IPO5: variants seen among roughly 807,000 people sequenced by gnomAD.
The protein encoded by IPO5 is importin-5.
Under a neutral mutation model 143.3 loss-of-function variants are expected in IPO5, and 18 were observed. The observed-to-expected ratio is 0.13, with a 90% CI of 0.09 to 0.19. IPO5 has a LOEUF of 0.19. Ranked by LOEUF, IPO5 falls within the 10% of genes least tolerant of loss-of-function variation. IPO5 has a pLI of 1.00. For synonymous variants in IPO5, 477 were observed against 465.7 expected (o/e 1.02, Z -0.31); for missense variants, 1,013 against 1,336.9 (o/e 0.76, Z 3.78).
intron 21 of IPO5, among the ~76,000 whole-genome samples, chr13:98,013,493 T>C (rs1419382272): frequency 3.9e-5 from 6 of 152,158 alleles, no homozygotes; most frequent in Non-Finnish European, 7.4e-5. Flanking sequence ...TATAGTGGTA[T>C]CCTTTACAGA....
Position 98,008,127 on chromosome 13 carries a change from A to G in IPO5, c.1785A>G (p.Glu595=), listed in dbSNP as rs1479738267. 2 of 1,605,968 alleles carry G rather than the reference A, an allele frequency of 1.2e-6. No individual in the cohort carries two copies. Among genetic ancestry groups the G allele is most frequent in the African/African-American group, 1.3e-5 (1 of 74,768 alleles). Residue 595 remains glutamate (E), a synonymous_variant, in exon 18 of 29, where the codon GAA becomes GAG. Coordinates refer to ENST00000651721, the MANE Select transcript of IPO5 (RefSeq NM_002271.6). ...CCCAGACAGACTTCAATGATATGGA[A>G]GATGATGATCCTCAGGTAAGTGGTC... The part of the protein sequence containing the change: ...LKTQTDFNDM[E]DDDPQISYMI...
chr13:97,976,613 G>GCCCGCC (rs1317099050), intron 3 of IPO5, 80 bp from the exon 4 acceptor site: 1 of 442,158 alleles, frequency 2.3e-6, no homozygotes, highest in Non-Finnish European at 3.4e-6. Context: ...CCCGCGCTGG[G>GCCCGCC]CCCGCCCCCG....
At position 97,978,530 on chromosome 13, in the gene IPO5, G is replaced by C. The variant is rs186777005; in HGVS notation, c.90+1744G>C. The stretch of plus-strand genomic sequence containing the variant: ...TAGCATTTGTTCCTAGAAGTGATAT[G>C]CATGTATTGCACCAGTTTGCCTTGG... On this transcript the variant is annotated intron_variant, in intron 4 of 28. Coordinates refer to ENST00000651721, the MANE Select transcript of IPO5 (RefSeq NM_002271.6). 3.3e-5 allele frequency among the ~76,000 whole-genome samples: 5 copies of C among 151,942 alleles called. 1 individual carries two copies. The highest frequency in any genetic ancestry group is 1.2e-4 in the African/African-American group (5 of 41,334).
At chr13:97,995,784 G>T (rs1430901657) in intron 11 of IPO5, among the ~76,000 whole-genome samples, 1 of 151,768 alleles carries the variant, frequency 6.6e-6, no homozygotes. Flanking sequence ...ATAATAATTT[G>T]GGGTCTACTC....
At position 98,002,206 on chromosome 13, in the gene IPO5, G is replaced by A. The variant is rs549231042; in HGVS notation, c.1109-261G>A. 86 of 213,298 alleles carry A rather than the reference G, an allele frequency of 4.0e-4. 1 individual carries two copies. The Middle Eastern group carries it at 4.9e-3, about 12-fold the overall frequency. 13.2% of individuals were successfully genotyped at this position (213,298 alleles called of 1,614,324 possible). On this transcript the variant is annotated intron_variant, in intron 13 of 28. Coordinates refer to ENST00000651721, the MANE Select transcript of IPO5 (RefSeq NM_002271.6). ...ATTTTTTGTATTTTTAAGTAGAGAC[G>A]GGGTTTCACCACGTTAACCAGGATG...
chr13:97,962,264 G>A (rs924310555), intron 2 of IPO5, among the ~76,000 whole-genome samples: 14 of 152,148 alleles, frequency 9.2e-5, no homozygotes, highest in Non-Finnish European at 1.5e-4. Context: ...TCTGCCTTTT[G>A]TGATTTTGAT....
chr13:97,978,834 C>G (rs752447489), intron 4 of IPO5, among the ~76,000 whole-genome samples: 1 of 152,236 alleles, frequency 6.6e-6, no homozygotes, highest in African/African-American at 2.4e-5. Flanking sequence ...TGTTGTAAAT[C>G]TTTTATCACT....
intron 5 of IPO5, among the ~76,000 whole-genome samples, chr13:97,984,212 T>C (rs1437655417): frequency 6.6e-6 from 1 of 151,704 alleles, no homozygotes; most frequent in African/African-American, 2.4e-5. Context: ...TCTCCTGACC[T>C]CGTGATCCGC....
At chr13:98,015,252 G>GTGTGTA in intron 22 of IPO5, among the ~76,000 whole-genome samples, 1 of 151,810 alleles carries the variant, frequency 6.6e-6, no homozygotes, top group East Asian at 1.9e-4. Flanking sequence ...TTGTGTGTGT[G>GTGTGTA]TGTGTGTGTG....
rs1481198342 is a variant in IPO5 at position 98,021,872 on chromosome 13, C to G, written c.*50C>G. ...AAACTAACTCCAAATAAACGCTTAC[C>G]CTTTCCTTTAGGTTTCTTTGTTTTG... On this transcript the variant is annotated 3_prime_UTR_variant, in exon 29 of 29. Transcript: ENST00000651721. 1 of 1,283,482 alleles carries G rather than the reference C, an allele frequency of 7.8e-7. No individual in the cohort carries two copies. Among genetic ancestry groups the G allele is most frequent in the South Asian group, 1.2e-5 (1 of 80,142 alleles). 79.5% of individuals were successfully genotyped at this position (1,283,482 alleles called of 1,614,324 possible).
At chr13:97,984,225 G>A (rs887261534) in intron 5 of IPO5, among the ~76,000 whole-genome samples, 5 of 151,710 alleles carry the variant, frequency 3.3e-5, no homozygotes, top group African/African-American at 7.3e-5. Context: ...TGATCCGCCC[G>A]CCTCGGCCTC....
intron 2 of IPO5, among the ~76,000 whole-genome samples, chr13:97,969,175 A>ATATATATATAT (rs1234384302): frequency 1.9e-3 from 82 of 43,912 alleles, no homozygotes; most frequent in Non-Finnish European, 2.9e-3. Flanking sequence ...ATATATATAT[A>ATATATATATAT]TTTTTTTTTT....
chr13:98,010,780 C>T (rs575420739), intron 20 of IPO5, among the ~76,000 whole-genome samples: 4 of 70,024 alleles, frequency 5.7e-5, no homozygotes, highest in East Asian at 5.3e-4. Flanking sequence ...AAGGATAATC[C>T]TTTTTTTTTT....
chr13:98,015,845 T>C (rs1890089262), intron 24 of IPO5, 64 bp downstream of exon 24: 1 of 999,480 alleles, frequency 1.0e-6, no homozygotes. Flanking sequence ...TGTAAATGCC[T>C]CAATTTCTGA....
intron 11 of IPO5, among the ~76,000 whole-genome samples, chr13:97,993,478 C>CT (rs1887967611): frequency 6.6e-6 from 1 of 152,130 alleles, no homozygotes; most frequent in Non-Finnish European, 1.5e-5. Flanking sequence ...GTGACAGACT[C>CT]TATCATTTAT....
At chr13:97,983,934 C>T (rs1238915484) in intron 5 of IPO5, among the ~76,000 whole-genome samples, 1 of 126,996 alleles carries the variant, frequency 7.9e-6, no homozygotes, top group Non-Finnish European at 1.6e-5. Context: ...AAATGGATGT[C>T]AAATATGAAG....
chr13:97,984,751 T>C (rs1179134834), intron 5 of IPO5, among the ~76,000 whole-genome samples: 2 of 152,192 alleles, frequency 1.3e-5, no homozygotes, highest in Non-Finnish European at 2.9e-5. Flanking sequence ...CAGGAAAGAT[T>C]AGGTTCAATA....
rs73556551 is a variant in IPO5, at chr13:98,003,174, G to C, written c.1497+137G>C. On this transcript the variant is annotated intron_variant, in intron 16 of 28. Transcript: ENST00000651721. ...GTACAAAAACTGAGGAGGCTATTCGGAGTTGTGGAATGATGAGTAGAGAAA... is the reference window on the plus strand; with the variant it reads ...GTACAAAAACTGAGGAGGCTATTCGCAGTTGTGGAATGATGAGTAGAGAAA... The C allele has an allele frequency of 6.1e-3, 4,384 of 713,110 alleles. 141 individuals are homozygous for C. In the African/African-American group the frequency reaches 0.069, roughly 11 times the overall value. 44.2% of individuals were successfully genotyped at this position (713,110 alleles called of 1,614,324 possible). A position where few individuals can be genotyped will look rare whatever the true frequency, so the allele number is the denominator to read the frequency against.
chr13:97,993,074 T>G, intron 10 of IPO5, 31 bp from the exon 11 acceptor site: 2 of 1,612,848 alleles, frequency 1.2e-6, no homozygotes, highest in Non-Finnish European at 1.7e-6. Flanking sequence ...ATCTAAATTA[T>G]TAAATGTATA....
Sources: allele counts gnomAD v4.1 joint callset (sites outside exome capture counted in the v4.1 genomes callset), GRCh38; gene constraint gnomAD v4.1.1; transcripts MANE v1.5; gene names NCBI Gene and HGNC (gene_info 2026-07-23, HGNC 2026-07-21).